Variants in ARMH4 observed in about 807,000 individuals in gnomAD.
The protein encoded by ARMH4 is armadillo like helical domain containing 4, also known as armadillo-like helical domain-containing protein 4.
Under a neutral mutation model 61.9 loss-of-function variants are expected in ARMH4, and 49 were observed. The observed-to-expected ratio is 0.79, with a 90% CI of 0.63 to 1.00. ARMH4 has a LOEUF of 1.00. Ranked by LOEUF, ARMH4 falls within the 50% of genes least tolerant of loss-of-function variation. The pLI is 0.00. For missense variants in ARMH4, 934 were observed against 930.0 expected, an observed-to-expected ratio of 1.00 and a Z score of -0.06; for synonymous variants, 368 against 341.5, an observed-to-expected ratio of 1.08 and a Z score of -0.85.
chr14:58,148,492 A>G (rs996284898), intron 1 of ARMH4, among the ~76,000 whole-genome samples: 1 of 152,174 alleles, frequency 6.6e-6, no homozygotes, highest in Non-Finnish European at 1.5e-5. Flanking sequence ...TTGTCATTTA[A>G]GTCTCAGCAC....
chr14:58,140,875 C>A (rs1016830474), intron 1 of ARMH4, among the ~76,000 whole-genome samples: 5 of 152,142 alleles, frequency 3.3e-5, no homozygotes, highest in Non-Finnish European at 5.9e-5. Context: ...CACAGTCCAG[C>A]CTGGGCGACA....
intron 5 of ARMH4, among the ~76,000 whole-genome samples, chr14:58,021,534 CA>C (rs1161870358): frequency 6.6e-6 from 1 of 152,166 alleles, no homozygotes; most frequent in Non-Finnish European, 1.5e-5. Context: ...TGGACTAATA[CA>C]AAATGTTAAT....
rs2747108 is a variant in ARMH4 at position 58,004,346 on chromosome 14, G to A, written c.*390C>T. 53,631 of 159,622 alleles carry A rather than the reference G, an allele frequency of 0.34. 9,263 individuals carry two copies. The highest frequency in any genetic ancestry group is 0.56 in the East Asian group (3,102 of 5,538). The allele number at this position is 159,622 out of a possible 1,614,324, so 9.9% of individuals were successfully genotyped here. A position where few individuals can be genotyped will look rare whatever the true frequency, so the allele number is the denominator to read the frequency against. On this transcript the variant is annotated 3_prime_UTR_variant, in exon 8 of 8. Transcript: ENST00000267485. ...ATTCTTTGTTAAGATTTATATCTCA[G>A]AGTCAAGCATGCCTTGGTGGCAACA...
In ARMH4 at chr14:58,002,773, A is replaced by C. The variant is rs760468661; in HGVS notation, c.*1963T>G. 3 of 152,230 alleles carry C rather than the reference A, an allele frequency of 2.0e-5. No individual in the cohort carries two copies. Among genetic ancestry groups the C allele is most frequent in the Admixed American group, 6.5e-5 (1 of 15,282 alleles). The allele number at this position is 152,230 out of a possible 1,614,324, so 9.4% of individuals were successfully genotyped here. A position where few individuals can be genotyped will look rare whatever the true frequency, so the allele number is the denominator to read the frequency against. The stretch of plus-strand genomic sequence containing the variant: ...AGGATGTCTCTACTCGTGAAATTAC[A>C]AATCACTTCTGAGTGTCATGATTCT... On this transcript the variant is annotated 3_prime_UTR_variant, in exon 8 of 8. Transcript: ENST00000267485.
chr14:58,102,144 A>C (rs1025654418), intron 4 of ARMH4, among the ~76,000 whole-genome samples: 2 of 152,146 alleles, frequency 1.3e-5, no homozygotes, highest in Non-Finnish European at 2.9e-5. Flanking sequence ...CAGGTAAGAG[A>C]AGGCACTGGA....
intron 4 of ARMH4, among the ~76,000 whole-genome samples, chr14:58,130,263 GT>G (rs1887044209): frequency 6.6e-6 from 1 of 152,158 alleles, no homozygotes; most frequent in South Asian, 2.1e-4. Context: ...ACTTTGATCT[GT>G]TTCTTAAACC....
At chr14:58,129,829 AAAT>A (rs1237484089) in intron 4 of ARMH4, among the ~76,000 whole-genome samples, 5 of 152,238 alleles carry the variant, frequency 3.3e-5, no homozygotes, top group Non-Finnish European at 7.3e-5. Flanking sequence ...AATGTAGCAA[AAAT>A]AATATCTTTT....
At position 58,075,915 on chromosome 14, in the gene ARMH4, T is replaced by C. The variant is rs138990966; in HGVS notation, c.2089+20809A>G. On this transcript the variant is annotated intron_variant, in intron 5 of 7. Transcript: ENST00000267485. Reference sequence around the variant, plus strand: ...TTTCACTATCTATATCTTAGGGTTATTGTGAGGATTAAATAAGGTCTTATA... The same window carrying C: ...TTTCACTATCTATATCTTAGGGTTACTGTGAGGATTAAATAAGGTCTTATA... Among the ~76,000 whole-genome samples, 51 of 152,278 alleles carry C rather than the reference T, an allele frequency of 3.3e-4. No individual in the cohort carries two copies. In the South Asian group the frequency reaches 7.9e-3, roughly 24 times the overall value.
Position 58,102,740 on chromosome 14 carries a change from A to G in ARMH4, c.1832-5759T>C, listed in dbSNP as rs1485154844. 4.0e-3 allele frequency among the ~76,000 whole-genome samples: 569 copies of G among 142,390 alleles called. 2 individuals are homozygous for G. Among genetic ancestry groups the G allele is most frequent in the Middle Eastern group, 0.013 (3 of 238 alleles). 93.4% of individuals were successfully genotyped at this position (142,390 alleles called of 152,430 possible). On this transcript the variant is annotated intron_variant, in intron 4 of 7. Coordinates refer to ENST00000267485, the MANE Select transcript of ARMH4 (RefSeq NM_001001872.4). Reference sequence around the variant, plus strand: ...GCAGGAGAATGGCGTGAACCCGGGAAGCGGAGCTTGCAGTGAGCCGAGATT... The same window carrying G: ...GCAGGAGAATGGCGTGAACCCGGGAGGCGGAGCTTGCAGTGAGCCGAGATT...
chr14:58,112,535 C>A (rs1471160806), intron 4 of ARMH4, among the ~76,000 whole-genome samples: 1 of 152,142 alleles, frequency 6.6e-6, no homozygotes, highest in East Asian at 1.9e-4. Flanking sequence ...GTCCTCTCTT[C>A]TTACTCCATA....
At position 58,012,084 on chromosome 14, in the gene ARMH4, A is replaced by G. The variant is rs373329436; in HGVS notation, c.2121+35T>C. On this transcript the variant is annotated intron_variant, in intron 6 of 7. Transcript: ENST00000267485. ...TTGCTTAATAAAGCTATATGCCCCT[A>G]AAAATAAACCAATGGAAGAAAATAC... The G allele has an allele frequency of 1.4e-5, 20 of 1,434,700 alleles. No individual in the cohort carries two copies. The African/African-American group carries it at 2.6e-4, about 19-fold the overall frequency. The allele number at this position is 1,434,700 out of a possible 1,614,324, so 88.9% of individuals were successfully genotyped here. A position where few individuals can be genotyped will look rare whatever the true frequency, so the allele number is the denominator to read the frequency against.
intron 6 of ARMH4, among the ~76,000 whole-genome samples, chr14:58,009,346 C>T (rs1402226362): frequency 6.6e-6 from 1 of 152,108 alleles, no homozygotes; most frequent in Non-Finnish European, 1.5e-5. Flanking sequence ...CCTTTTTCCT[C>T]CTTCCTCTGG....
intron 6 of ARMH4, among the ~76,000 whole-genome samples, chr14:58,007,969 A>C (rs1882243573): frequency 6.6e-6 from 1 of 152,242 alleles, no homozygotes; most frequent in Non-Finnish European, 1.5e-5. Flanking sequence ...TCCAGATTAA[A>C]GGAAATTAAA....
At chr14:58,033,151 T>A (rs1460366324) in intron 5 of ARMH4, among the ~76,000 whole-genome samples, 1 of 102,498 alleles carries the variant, frequency 9.8e-6, no homozygotes, top group East Asian at 2.6e-4. Flanking sequence ...TAAGTGTCCC[T>A]GTCTGACAGC....
At chr14:58,064,574 C>G (rs904232893) in intron 5 of ARMH4, among the ~76,000 whole-genome samples, 4 of 152,132 alleles carry the variant, frequency 2.6e-5, no homozygotes, top group African/African-American at 9.7e-5. Context: ...ACAATTAGCA[C>G]CAGAGCAATG....
chr14:58,082,635 C>A (rs1193453492), intron 5 of ARMH4, among the ~76,000 whole-genome samples: 1 of 152,164 alleles, frequency 6.6e-6, no homozygotes, highest in Non-Finnish European at 1.5e-5. Context: ...ATTTTTCTTC[C>A]CCAGCATATT....
At chr14:58,005,429 C>T (rs966235480) in intron 6 of ARMH4, among the ~76,000 whole-genome samples, 4 of 152,178 alleles carry the variant, frequency 2.6e-5, no homozygotes, top group Admixed American at 2.6e-4. Flanking sequence ...GACCTAGTGG[C>T]ACCTCCAGCC....
In ARMH4 at chr14:58,064,140, TATCAAGAAACG is replaced by T. The variant is rs1566563762; in HGVS notation, c.2089+32573_2089+32583del. Among the ~76,000 whole-genome samples, 685 of 151,422 alleles carry T rather than the reference TATCAAGAAACG, an allele frequency of 4.5e-3. 1 individual carries two copies. The highest frequency in any genetic ancestry group is 0.017 in the African/African-American group (673 of 40,752). ...TAACAATTCCAACACACGATTATCATATCAAGAAACGGTCACTTATAATATTTATGCATTCA... is the reference window on the plus strand; with the variant it reads ...TAACAATTCCAACACACGATTATCATGTCACTTATAATATTTATGCATTCA... On this transcript the variant is annotated intron_variant, in intron 5 of 7. Transcript: ENST00000267485.
At chr14:58,086,002 C>T (rs1279449014) in intron 5 of ARMH4, among the ~76,000 whole-genome samples, 1 of 152,170 alleles carries the variant, frequency 6.6e-6, no homozygotes, top group African/African-American at 2.4e-5. Context: ...AAGCAATGAA[C>T]CAGTGGCAGA....
Sources: allele counts gnomAD v4.1 joint callset (sites outside exome capture counted in the v4.1 genomes callset), GRCh38; gene constraint gnomAD v4.1.1; transcripts MANE v1.5; gene names NCBI Gene and HGNC (gene_info 2026-07-23, HGNC 2026-07-21).